AMPH: variants seen among roughly 807,000 people sequenced by gnomAD.
AMPH encodes amphiphysin (Stiff-Mann syndrome with breast cancer 128kD autoantigen).
Under a neutral mutation model 99.1 loss-of-function variants are expected in AMPH, and 49 were observed. That is an observed-to-expected ratio of 0.49 (90% confidence interval 0.39 to 0.63). The LOEUF is 0.63. Ranked by LOEUF, AMPH falls within the 20% of genes least tolerant of loss-of-function variation. AMPH has a pLI of 0.00. For missense variants in AMPH, 759 were observed against 863.4 expected, an observed-to-expected ratio of 0.88 and a Z score of 1.52; for synonymous variants, 314 against 317.3, an observed-to-expected ratio of 0.99 and a Z score of 0.11.
At chr7:38,485,985 C>T (rs757343856) in intron 5 of AMPH, among the ~76,000 whole-genome samples, 1 of 151,626 alleles carries the variant, frequency 6.6e-6, no homozygotes, top group African/African-American at 2.4e-5. Flanking sequence ...TAGTGATAAA[C>T]GCATACATTA....
intron 11 of AMPH, among the ~76,000 whole-genome samples, chr7:38,460,340 T>C (rs1351813828): frequency 2.0e-5 from 3 of 152,188 alleles, no homozygotes; most frequent in Admixed American, 2.0e-4. Context: ...CATTATTGGG[T>C]ACTTATCCAA....
At chr7:38,449,330 A>C (rs1014178826) in intron 11 of AMPH, among the ~76,000 whole-genome samples, 2 of 152,162 alleles carry the variant, frequency 1.3e-5, no homozygotes, top group African/African-American at 4.8e-5. Flanking sequence ...TCTGCTTTCC[A>C]CTTCTGCACT....
intron 17 of AMPH, among the ~76,000 whole-genome samples, chr7:38,408,488 G>A (rs1345440620): frequency 6.6e-6 from 1 of 152,074 alleles, no homozygotes; most frequent in African/African-American, 2.4e-5. Context: ...TAGGCCGGGC[G>A]CAGTGGCTCA....
At chr7:38,392,058 G>GA in intron 18 of AMPH, 41 bp from the exon 19 acceptor site, 1 of 1,592,106 alleles carries the variant, frequency 6.3e-7, no homozygotes, top group South Asian at 1.1e-5. Flanking sequence ...GCAGGGCCTG[G>GA]AAAACAGAAC....
intron 4 of AMPH, 124 bp downstream of exon 4, chr7:38,494,309 C>G (rs570760836): frequency 2.5e-6 from 2 of 812,564 alleles, no homozygotes; most frequent in Non-Finnish European, 4.2e-6. Flanking sequence ...CAGAACTGCA[C>G]AGTGCCTTCT....
At chr7:38,599,497 T>C (rs1793171443) in intron 1 of AMPH, among the ~76,000 whole-genome samples, 1 of 152,244 alleles carries the variant, frequency 6.6e-6, no homozygotes, top group African/African-American at 2.4e-5. Context: ...ACACATTACA[T>C]ACAAAATATA....
intron 17 of AMPH, among the ~76,000 whole-genome samples, chr7:38,417,597 G>A (rs1408514526): frequency 6.6e-6 from 1 of 152,192 alleles, no homozygotes; most frequent in Non-Finnish European, 1.5e-5. Context: ...TGCTATACCT[G>A]TGGCTATGTA....
At chr7:38,485,507 T>C (rs754164771) in intron 5 of AMPH, among the ~76,000 whole-genome samples, 20 of 151,850 alleles carry the variant, frequency 1.3e-4, no homozygotes, top group Non-Finnish European at 2.8e-4. Context: ...ATAATAATAA[T>C]ACAAAACCTT....
chr7:38,467,136 C>T (rs992969289), intron 7 of AMPH, among the ~76,000 whole-genome samples: 2 of 152,064 alleles, frequency 1.3e-5, no homozygotes, highest in Non-Finnish European at 2.9e-5. Context: ...TGGTAAGCCC[C>T]CAGGAAGATC....
intron 2 of AMPH, among the ~76,000 whole-genome samples, chr7:38,520,011 T>A (rs867539275): frequency 6.6e-6 from 1 of 151,984 alleles, no homozygotes; most frequent in African/African-American, 2.4e-5. Flanking sequence ...AATAAATAAA[T>A]AAAAATCAAA....
intron 1 of AMPH, among the ~76,000 whole-genome samples, chr7:38,630,149 C>T (rs984796695): frequency 6.6e-6 from 1 of 152,194 alleles, no homozygotes. Context: ...AACAGGAAAA[C>T]GCTAAACACC....
intron 20 of AMPH, among the ~76,000 whole-genome samples, chr7:38,386,953 C>G (rs1317663757): frequency 6.6e-6 from 1 of 152,126 alleles, no homozygotes; most frequent in Non-Finnish European, 1.5e-5. Flanking sequence ...AAGCTGTACA[C>G]TCAGGGGGGT....
intron 1 of AMPH, among the ~76,000 whole-genome samples, chr7:38,538,435 G>A (rs963593208): frequency 1.6e-4 from 25 of 152,268 alleles, no homozygotes; most frequent in African/African-American, 5.5e-4. Context: ...TGGGAGGTGT[G>A]GAACTGGAGT....
chr7:38,514,455 A>G (rs927684958), intron 2 of AMPH, among the ~76,000 whole-genome samples: 2 of 152,238 alleles, frequency 1.3e-5, no homozygotes, highest in Admixed American at 1.3e-4. Flanking sequence ...TTACAGCTAC[A>G]ACTAAGAGTA....
At chr7:38,451,670 CA>C (rs1787044344) in intron 11 of AMPH, among the ~76,000 whole-genome samples, 2 of 152,032 alleles carry the variant, frequency 1.3e-5, no homozygotes, top group Non-Finnish European at 2.9e-5. Context: ...TGTGAAAAAT[CA>C]AAAGGGATGT....
intron 17 of AMPH, among the ~76,000 whole-genome samples, chr7:38,405,634 C>A (rs1584046266): frequency 6.6e-6 from 1 of 152,038 alleles, no homozygotes; most frequent in African/African-American, 2.4e-5. Context: ...TTCAATTCAA[C>A]AAGAAGATTT....
chr7:38,603,548 C>T (rs1359260250), intron 1 of AMPH, among the ~76,000 whole-genome samples: 1 of 152,162 alleles, frequency 6.6e-6, no homozygotes, highest in East Asian at 1.9e-4. Context: ...TAGCTAGGTA[C>T]AAGCTACAGC....
At chr7:38,432,555 C>T (rs961369366) in intron 12 of AMPH, among the ~76,000 whole-genome samples, 3 of 150,246 alleles carry the variant, frequency 2.0e-5, no homozygotes, top group Non-Finnish European at 4.4e-5. Flanking sequence ...GAGTAGAAAA[C>T]TATATTTGAA....
intron 3 of AMPH, among the ~76,000 whole-genome samples, chr7:38,497,556 T>G (rs1168579440): frequency 6.6e-6 from 1 of 152,220 alleles, no homozygotes; most frequent in Non-Finnish European, 1.5e-5. Flanking sequence ...CACTACTTTA[T>G]AAGTACTCCT....
Sources: allele counts gnomAD v4.1 joint callset (sites outside exome capture counted in the v4.1 genomes callset), GRCh38; gene constraint gnomAD v4.1.1; transcripts MANE v1.5; gene names NCBI Gene and HGNC (gene_info 2026-07-23, HGNC 2026-07-21).